The following SLC9C2 variants were observed in gnomAD, a reference collection of about 807,000 sequenced individuals.
The protein encoded by SLC9C2 is sodium/hydrogen exchanger 11.
A neutral mutation model predicts 140.2 loss-of-function variants in SLC9C2; 75 were observed. The ratio of observed to expected loss-of-function variants is 0.53; its 90% CI spans 0.44 to 0.65. SLC9C2 has a LOEUF of 0.65. Ranked by LOEUF, SLC9C2 falls within the 30% of genes least tolerant of loss-of-function variation. The pLI is 0.00. For synonymous variants in SLC9C2, 375 were observed against 420.9 expected (o/e 0.89, Z 1.34); for missense variants, 1,074 against 1,331.8 (o/e 0.81, Z 3.01).
chr1:173,578,444 T>C (rs1359828326), intron 7 of SLC9C2, among the ~76,000 whole-genome samples: 5 of 152,238 alleles, frequency 3.3e-5, no homozygotes, highest in Non-Finnish European at 7.3e-5. Flanking sequence ...CACTGCCTTT[T>C]TCTGAGTTTG....
Position 173,519,370 on chromosome 1 carries a change from C to T in SLC9C2, c.2740-1666G>A, listed in dbSNP as rs373235580. On this transcript the variant is annotated intron_variant, in intron 22 of 27. Transcript: ENST00000367714. Reference sequence around the variant, plus strand: ...CAAAGAGCCTGGAAACAGATTGTGCCCTTAGAGCTTCCAGAAGGTAACATA... The same window carrying T: ...CAAAGAGCCTGGAAACAGATTGTGCTCTTAGAGCTTCCAGAAGGTAACATA... Among the ~76,000 whole-genome samples the T allele has an allele frequency of 3.3e-5, 5 of 152,116 alleles. No homozygotes were observed. In the East Asian group the frequency reaches 5.8e-4, roughly 18 times the overall value.
intron 4 of SLC9C2, among the ~76,000 whole-genome samples, chr1:173,588,465 T>C (rs565582053): frequency 1.1e-4 from 17 of 152,232 alleles, no homozygotes; most frequent in Non-Finnish European, 1.0e-4. Context: ...TTTGTTTTAC[T>C]TTCTGTGAGG....
At chr1:173,563,275 A>G (rs1664238157) in intron 9 of SLC9C2, among the ~76,000 whole-genome samples, 2 of 152,032 alleles carry the variant, frequency 1.3e-5, no homozygotes, top group Admixed American at 1.3e-4. Flanking sequence ...GGCTGAATGC[A>G]TGGTTTTTAG....
chr1:173,526,687 T>C lies in SLC9C2; in HGVS notation c.2341A>G (p.Lys781Glu). 1 of 1,597,262 alleles carries C rather than the reference T, an allele frequency of 6.3e-7. No individual in the cohort carries two copies. Among genetic ancestry groups the C allele is most frequent in the South Asian group, 1.2e-5 (1 of 86,224 alleles). ...QKLCEILETN[K>E]QDAVKELVLM... ...CCTAATTCTTTGACAGCATCCTGTT[T>C]GTTGGTTTCCAAAATTTCACATAGT... is the stretch of plus-strand genomic sequence containing the variant. The change falls in exon 19 of 28, where the codon AAA becomes GAA. Residue 781 changes from lysine (K) to glutamate (E), a missense_variant. Lys to Glu is a moderately conservative substitution (Grantham distance 56). Coordinates refer to ENST00000367714, the MANE Select transcript of SLC9C2 (RefSeq NM_178527.4).
chr1:173,502,116 A>G (rs373599451), intron 27 of SLC9C2, among the ~76,000 whole-genome samples: 1 of 151,924 alleles, frequency 6.6e-6, no homozygotes, highest in East Asian at 1.9e-4. Flanking sequence ...TACTAAAAAT[A>G]CAAAAAAGTA....
Position 173,587,182 on chromosome 1 carries a change from C to A in SLC9C2, c.523+483G>T, listed in dbSNP as rs6686370. 1.8e-3 allele frequency among the ~76,000 whole-genome samples: 275 copies of A among 151,984 alleles called. 1 individual carries two copies. The highest frequency in any genetic ancestry group is 6.3e-3 in the African/African-American group (261 of 41,400). Reference sequence around the variant, plus strand: ...TTTGAGTGCCAAACTATATCCTTACCCCTTTTCTTGAAGATAAACTATAAA... The same window carrying A: ...TTTGAGTGCCAAACTATATCCTTACACCTTTTCTTGAAGATAAACTATAAA... On this transcript the variant is annotated intron_variant, in intron 5 of 27. Transcript: ENST00000367714.
chr1:173,515,418 A>C (rs1237963481), intron 23 of SLC9C2, among the ~76,000 whole-genome samples: 1 of 151,700 alleles, frequency 6.6e-6, no homozygotes, highest in East Asian at 1.9e-4. Flanking sequence ...TGGTCTTCAG[A>C]CTCTGATATC....
intron 13 of SLC9C2, among the ~76,000 whole-genome samples, chr1:173,539,486 CA>C (rs1662216144): frequency 6.6e-6 from 1 of 152,308 alleles, no homozygotes; most frequent in South Asian, 2.1e-4. Context: ...TGGAATATAA[CA>C]GTAGGCTTGG....
Position 173,535,968 on chromosome 1 carries a change from C to T in SLC9C2, c.1656-19G>A. The T allele has an allele frequency of 2.0e-6, 3 of 1,478,046 alleles. No individual in the cohort carries two copies. The highest frequency in any genetic ancestry group is 9.0e-7 in the Non-Finnish European group (1 of 1,106,032). The allele number at this position is 1,478,046 out of a possible 1,614,324, so 91.6% of individuals were successfully genotyped here. On this transcript the variant is annotated intron_variant, in intron 14 of 27. Coordinates refer to ENST00000367714, the MANE Select transcript of SLC9C2 (RefSeq NM_178527.4). ...CATGAATCTAACAGAGAAAAATGTA[C>T]ATATGTGTTATAATAAAAAGCAAGT... is the stretch of plus-strand genomic sequence containing the variant.
chr1:173,555,079 C>A (rs1314781463), intron 10 of SLC9C2, among the ~76,000 whole-genome samples: 1 of 152,206 alleles, frequency 6.6e-6, no homozygotes, highest in Non-Finnish European at 1.5e-5. Flanking sequence ...GGGAGGAGGT[C>A]TCCACAGTTG....
At position 173,603,070 on chromosome 1, in the gene SLC9C2, A is replaced by G. The variant is rs1420868549; in HGVS notation, c.-399T>C. 3 of 152,134 alleles carry G rather than the reference A, an allele frequency of 2.0e-5. No individual in the cohort carries two copies. Among genetic ancestry groups the G allele is most frequent in the African/African-American group, 7.2e-5 (3 of 41,428 alleles). 9.4% of individuals were successfully genotyped at this position (152,134 alleles called of 1,614,324 possible). A position where few individuals can be genotyped will look rare whatever the true frequency, so the allele number is the denominator to read the frequency against. On this transcript the variant is annotated 5_prime_UTR_variant, in exon 1 of 28. Coordinates refer to ENST00000367714, the MANE Select transcript of SLC9C2 (RefSeq NM_178527.4). ...CTGTTTGCCAGGGACAGTACTACCA[A>G]CTGATATCACACCAAAATCCATTTC...
intron 22 of SLC9C2, among the ~76,000 whole-genome samples, 190 bp from the exon 23 acceptor site, chr1:173,517,894 G>A (rs940196895): frequency 6.6e-6 from 1 of 152,124 alleles, no homozygotes; most frequent in Admixed American, 6.5e-5. Flanking sequence ...CCCAAGGCAA[G>A]GATTTTTTTC....
chr1:173,570,136 G>A (rs902985662), intron 9 of SLC9C2, among the ~76,000 whole-genome samples: 1 of 152,098 alleles, frequency 6.6e-6, no homozygotes, highest in African/African-American at 2.4e-5. Context: ...AGCCTACTTG[G>A]TGTCTACCCC....
chr1:173,579,564 G>T (rs1665394439), intron 7 of SLC9C2, among the ~76,000 whole-genome samples: 1 of 152,118 alleles, frequency 6.6e-6, no homozygotes, highest in Admixed American at 6.5e-5. Context: ...TAAATCACAA[G>T]TGTCTCAATT....
chr1:173,523,803 T>C (rs1445239970), intron 21 of SLC9C2, among the ~76,000 whole-genome samples, 166 bp downstream of exon 21: 1 of 152,198 alleles, frequency 6.6e-6, no homozygotes, highest in Non-Finnish European at 1.5e-5. Flanking sequence ...CCCTTTAGGC[T>C]CAAAAAGAGA....
At chr1:173,537,568 TTATATGTGTGTGTGTA>T (rs1255601262) in intron 13 of SLC9C2, among the ~76,000 whole-genome samples, 1 of 150,786 alleles carries the variant, frequency 6.6e-6, no homozygotes, top group African/African-American at 2.5e-5. Flanking sequence ...TCTCAAAAAT[TTATATGTGTGTGTGTA>T]TATATATGTG....
intron 13 of SLC9C2, among the ~76,000 whole-genome samples, chr1:173,539,808 T>C (rs150339495): frequency 2.0e-4 from 30 of 152,248 alleles, no homozygotes; most frequent in African/African-American, 7.0e-4. Flanking sequence ...GAAGGTACTC[T>C]TAGGAAAGCT....
chr1:173,556,927 C>CAA (rs79800435), intron 10 of SLC9C2, among the ~76,000 whole-genome samples: 4 of 70,794 alleles, frequency 5.7e-5, no homozygotes, highest in African/African-American at 1.6e-4. Flanking sequence ...AATCTTGTCT[C>CAA]AAAAAAAAAA....
rs748316474 is a variant in SLC9C2 at position 173,526,722 on chromosome 1, A to G, written c.2314-8T>C. The G allele has an allele frequency of 3.3e-6, 5 of 1,529,836 alleles. No individual in the cohort carries two copies. In the East Asian group the frequency reaches 1.1e-4, roughly 34 times the overall value. The allele number at this position is 1,529,836 out of a possible 1,614,324, so 94.8% of individuals were successfully genotyped here. On this transcript the variant is annotated splice_polypyrimidine_tract_variant and splice_region_variant and intron_variant, in intron 18 of 27. Coordinates refer to ENST00000367714, the MANE Select transcript of SLC9C2 (RefSeq NM_178527.4). ...CAAAATTTCACATAGTTTCTGTAAA[A>G]AATTAAGAAAAACATGTATTTCTTA...
Sources: allele counts gnomAD v4.1 joint callset (sites outside exome capture counted in the v4.1 genomes callset), GRCh38; gene constraint gnomAD v4.1.1; transcripts MANE v1.5; gene names NCBI Gene and HGNC (gene_info 2026-07-23, HGNC 2026-07-21).